Variants in ENOSF1 observed in about 807,000 individuals in gnomAD.
The protein encoded by ENOSF1 is enolase superfamily member 1.
Under a neutral mutation model 68.2 loss-of-function variants are expected in ENOSF1, and 73 were observed. That is an observed-to-expected ratio of 1.07 (90% CI 0.89 to 1.30). The LOEUF is 1.30. Among genes scored for constraint, ENOSF1 ranks in the 50% most tolerant of loss-of-function variants. The pLI, the probability that ENOSF1 is intolerant of heterozygous loss-of-function variation, is 0.00. For synonymous variants in ENOSF1, 223 were observed against 210.4 expected, an observed-to-expected ratio of 1.06 and a Z score of -0.52; for missense variants, 589 against 554.5, an observed-to-expected ratio of 1.06 and a Z score of -0.62.
At chr18:700,750 T>G (rs2078253092) in intron 2 of ENOSF1, among the ~76,000 whole-genome samples, 1 of 151,984 alleles carries the variant, frequency 6.6e-6, no homozygotes, top group African/African-American at 2.4e-5. Context: ...CTGGGTGTGG[T>G]GGCACATGCC....
rs1419653430 is a variant in ENOSF1, at chr18:672,668, C to T, written c.*1637G>A. 1 of 475,534 alleles carries T rather than the reference C, an allele frequency of 2.1e-6. No individual in the cohort carries two copies. The highest frequency in any genetic ancestry group is 3.6e-6 in the Non-Finnish European group (1 of 277,350). 29.5% of individuals were successfully genotyped at this position (475,534 alleles called of 1,614,324 possible). A position where few individuals can be genotyped will look rare whatever the true frequency, so the allele number is the denominator to read the frequency against. On this transcript the variant is annotated 3_prime_UTR_variant, in exon 16 of 16. Coordinates refer to ENST00000647584, the MANE Select transcript of ENOSF1 (RefSeq NM_017512.7). The stretch of plus-strand genomic sequence containing the variant: ...AATGTCACAAAATACCCCTCACTCT[C>T]GATCTGTGCAAGAGAACAGCTGGTT...
intron 1 of ENOSF1, chr18:707,546 G>A (rs2079065040): frequency 6.6e-6 from 1 of 152,128 alleles, no homozygotes; most frequent in Non-Finnish European, 1.5e-5. Flanking sequence ...GTAAAGCTTC[G>A]AGATTAATTC....
In ENOSF1 at chr18:677,418, C is replaced by G; in HGVS notation, c.1075G>C (p.Val359Leu). 6.2e-7 allele frequency: 1 copy of G among 1,613,758 alleles called. No individual in the cohort carries two copies. Among genetic ancestry groups the G allele is most frequent in the Non-Finnish European group, 8.5e-7 (1 of 1,179,964 alleles). Residue 359 changes from valine to leucine, a missense_variant, in exon 14 of 16, where the codon GTT (valine) becomes CTT (leucine). Transcript: ENST00000647584. The part of the protein sequence containing the change: ...EIPVCPHAGG[V>L]GLCELVQHLI... ...TGCTGCACCAGTTCACAGAGGCCAA[C>G]TCCACCAGCATGGGGGCAAACAGGA...
Position 672,589 on chromosome 18 carries a change from A to G in ENOSF1, c.*1716T>C, listed in dbSNP as rs1186124681. ...GTTCCTGTCTTTAATAAATTTGCCA[A>G]GAGTGGTTATAAGAACTTACACCTG... is the stretch of plus-strand genomic sequence containing the variant. On this transcript the variant is annotated 3_prime_UTR_variant, in exon 16 of 16. Coordinates refer to ENST00000647584, the MANE Select transcript of ENOSF1 (RefSeq NM_017512.7). 3.6e-6 allele frequency: 1 copy of G among 276,090 alleles called. No individual in the cohort carries two copies. Among genetic ancestry groups the G allele is most frequent in the Non-Finnish European group, 6.9e-6 (1 of 145,648 alleles). 17.1% of individuals were successfully genotyped at this position (276,090 alleles called of 1,614,324 possible).
chr18:711,972 C>T (rs2079599994), intron 1 of ENOSF1, among the ~76,000 whole-genome samples: 1 of 152,166 alleles, frequency 6.6e-6, no homozygotes, highest in South Asian at 2.1e-4. Context: ...CTCCCAGCCC[C>T]GGGCTTCCCG....
intron 2 of ENOSF1, among the ~76,000 whole-genome samples, chr18:703,496 G>A (rs2078596659): frequency 6.6e-6 from 1 of 152,162 alleles, no homozygotes; most frequent in Admixed American, 6.5e-5. Flanking sequence ...TTACAAACAA[G>A]GGACAATTAG....
rs2077038063 is a variant in ENOSF1, at chr18:690,537, T to C, written c.618+12A>G. 1 of 1,614,076 alleles carries C rather than the reference T, an allele frequency of 6.2e-7. No individual in the cohort carries two copies. The highest frequency in any genetic ancestry group is 1.3e-5 in the African/African-American group (1 of 74,952). ...CATTCAGCTGTCTACAAAGCCAGGT[T>C]AAAATGCCCACCTGCTTCAACGTGT... On this transcript the variant is annotated intron_variant, in intron 8 of 15. Transcript: ENST00000647584.
chr18:681,785 CG>C (rs2076104578), intron 11 of ENOSF1, among the ~76,000 whole-genome samples: 1 of 152,184 alleles, frequency 6.6e-6, no homozygotes, highest in South Asian at 2.1e-4. Flanking sequence ...CAGTATCCTC[CG>C]GTCTTTGTTT....
intron 2 of ENOSF1, among the ~76,000 whole-genome samples, chr18:700,521 T>C (rs185710241): frequency 5.9e-5 from 9 of 152,316 alleles, no homozygotes; most frequent in Non-Finnish European, 1.0e-4. Context: ...GCAGCACTTA[T>C]GTATTCATCT....
chr18:680,851 T>TC (rs1821753186), intron 11 of ENOSF1, among the ~76,000 whole-genome samples: 1 of 150,958 alleles, frequency 6.6e-6, no homozygotes, highest in African/African-American at 2.4e-5. Flanking sequence ...CTGCTAATTT[T>TC]TTTTTTTTTT....
chr18:702,384 C>T (rs1386063827), intron 2 of ENOSF1, among the ~76,000 whole-genome samples: 1 of 151,486 alleles, frequency 6.6e-6, no homozygotes, highest in African/African-American at 2.4e-5. Flanking sequence ...ACCAGCCTGG[C>T]CAACATATAG....
rs774659295 is a variant in ENOSF1, at chr18:690,545, C to A, written c.618+4G>T. The A allele has an allele frequency of 6.2e-7, 1 of 1,614,160 alleles. No homozygotes were observed. Among genetic ancestry groups the A allele is most frequent in the East Asian group, 2.2e-5 (1 of 44,820 alleles). Reference sequence around the variant, plus strand: ...TGTCTACAAAGCCAGGTTAAAATGCCCACCTGCTTCAACGTGTCATCTGAG... The same window carrying A: ...TGTCTACAAAGCCAGGTTAAAATGCACACCTGCTTCAACGTGTCATCTGAG... On this transcript the variant is annotated splice_donor_region_variant and intron_variant, in intron 8 of 15. Transcript: ENST00000647584.
chr18:667,376 T>TGATGGTGATGGTGATGGA (rs2074866746), downstream of ENOSF1, among the ~76,000 whole-genome samples: 2 of 18,526 alleles, frequency 1.1e-4, no homozygotes, highest in African/African-American at 5.7e-4. Context: ...ATGGTGATGG[T>TGATGGTGATGGTGATGGA]GATGGTGATG....
downstream of ENOSF1, among the ~76,000 whole-genome samples, chr18:669,967 AAACAAC>A (rs921598678): frequency 2.0e-5 from 3 of 151,940 alleles, no homozygotes; most frequent in Non-Finnish European, 2.9e-5. Flanking sequence ...GAATATTTAA[AAACAAC>A]AACAACAACA....
intron 10 of ENOSF1, among the ~76,000 whole-genome samples, chr18:684,842 G>A (rs1460803521): frequency 6.6e-6 from 1 of 150,880 alleles, no homozygotes; most frequent in African/African-American, 2.5e-5. Context: ...ATGAAAACCA[G>A]AGGACAGTAT....
At chr18:680,484 C>T (rs567923483) in intron 11 of ENOSF1, among the ~76,000 whole-genome samples, 1 of 152,220 alleles carries the variant, frequency 6.6e-6, no homozygotes, top group African/African-American at 2.4e-5. Context: ...TTCAATATTT[C>T]CTGAATCTGC....
chr18:667,089 TGATGGAGATGGA>T (rs1220451138), downstream of ENOSF1, among the ~76,000 whole-genome samples: 8 of 50,178 alleles, frequency 1.6e-4, 1 homozygote, highest in East Asian at 2.0e-3. Flanking sequence ...ATGGTGATGG[TGATGGAGATGGA>T]GATGGAGATG....
At chr18:666,268 T>C (rs998071246), downstream of ENOSF1, among the ~76,000 whole-genome samples, 18 of 151,618 alleles carry the variant, frequency 1.2e-4, no homozygotes, top group East Asian at 3.1e-3. Context: ...AGTTCATCGG[T>C]GGGACAAGGG....
chr18:693,327 T>C, intron 5 of ENOSF1: 1 of 1,209,666 alleles, frequency 8.3e-7, no homozygotes, highest in Non-Finnish European at 1.1e-6. Context: ...TATCTTTTCT[T>C]TTTTCTTTTT....
Sources: allele counts gnomAD v4.1 joint callset (sites outside exome capture counted in the v4.1 genomes callset), GRCh38; gene constraint gnomAD v4.1.1; transcripts MANE v1.5; gene names NCBI Gene and HGNC (gene_info 2026-07-23, HGNC 2026-07-21).